Variants in KMT5C observed in about 807,000 individuals in gnomAD.
KMT5C encodes histone-lysine N-methyltransferase KMT5C.
A neutral mutation model predicts 38.2 loss-of-function variants in KMT5C; 16 were observed. That is an observed-to-expected ratio of 0.42 (90% confidence interval 0.28 to 0.64). KMT5C has a LOEUF of 0.64. Among genes scored for constraint, KMT5C ranks in the 30% least tolerant of loss-of-function variants. KMT5C has a pLI of 0.23. For missense variants in KMT5C, 598 were observed against 665.1 expected, an observed-to-expected ratio of 0.90 and a Z score of 1.11; for synonymous variants, 291 against 279.0, an observed-to-expected ratio of 1.04 and a Z score of -0.43.
chr19:55,345,976 A>C, intron 6 of KMT5C: 1 of 571,030 alleles, frequency 1.8e-6, no homozygotes, highest in Non-Finnish European at 3.1e-6. Flanking sequence ...AGGTCAGGTT[A>C]GATCATCGTC....
At chr19:55,342,194 C>A in intron 2 of KMT5C, 21 bp from the exon 3 acceptor site, 1 of 1,605,810 alleles carries the variant, frequency 6.2e-7, no homozygotes, top group African/African-American at 1.3e-5. Flanking sequence ...CCCTGGGACC[C>A]AGGCATGCCC....
chr19:55,347,637 C>T lies in KMT5C; in HGVS notation c.*188C>T, dbSNP rs2089637557. On this transcript the variant is annotated 3_prime_UTR_variant, in exon 9 of 9. Transcript: ENST00000255613. The surrounding 1 kb of genome is among the most constrained non-coding windows in gnomAD (Gnocchi z 4.6). ...AGCCCTGACCCTTTGTGACTGCTGA[C>T]CCCTGAGCCACCCCCACTCCCACAG... 3.1e-6 allele frequency: 3 copies of T among 960,092 alleles called. No homozygotes were observed. The South Asian group carries it at 6.9e-5, about 22-fold the overall frequency. 59.5% of individuals were successfully genotyped at this position (960,092 alleles called of 1,614,324 possible). A position where few individuals can be genotyped will look rare whatever the true frequency, so the allele number is the denominator to read the frequency against.
Position 55,343,624 on chromosome 19 carries a change from A to C in KMT5C, c.387-56A>C. 1 of 1,532,738 alleles carries C rather than the reference A, an allele frequency of 6.5e-7. No individual in the cohort carries two copies. The allele number at this position is 1,532,738 out of a possible 1,614,324, so 94.9% of individuals were successfully genotyped here. On this transcript the variant is annotated intron_variant, in intron 4 of 8. Coordinates refer to ENST00000255613, the MANE Select transcript of KMT5C (RefSeq NM_032701.4). The surrounding 1 kb of genome is among the most constrained non-coding windows in gnomAD (Gnocchi z 5.5). ...CTGTGCCGGAGGCCCGAGTCCCCTG[A>C]ACACCTGCAGGAGGCCAGGCATCGC...
At position 55,345,710 on chromosome 19, in the gene KMT5C, C is replaced by T. The variant is rs10412247; in HGVS notation, c.571-503C>T. On this transcript the variant is annotated intron_variant, in intron 6 of 8. Coordinates refer to ENST00000255613, the MANE Select transcript of KMT5C (RefSeq NM_032701.4). ...TGGGGCTTAGGAGGAGCCTGTGGGGCAGCTCCTGGGTGAATGATCCCAAAG... is the reference window on the plus strand; with the variant it reads ...TGGGGCTTAGGAGGAGCCTGTGGGGTAGCTCCTGGGTGAATGATCCCAAAG... Among the ~76,000 whole-genome samples, 1,069 of 152,256 alleles carry T rather than the reference C, an allele frequency of 7.0e-3. 15 individuals are homozygous for T. The highest frequency in any genetic ancestry group is 0.024 in the African/African-American group (1,014 of 41,554).
At position 55,346,994 on chromosome 19, in the gene KMT5C, C is replaced by T. The variant is rs770550339; in HGVS notation, c.934C>T (p.Arg312Cys). Residue 312 changes from arginine (R) to cysteine (C), a missense_variant, in exon 9 of 9, where the codon CGC becomes TGC. Arg to Cys is a radical substitution (Grantham distance 180, BLOSUM62 -3). Around this residue, in one of 3 missense-constraint regions of KMT5C, gnomAD observed 326 missense variants for 298.1 expected, o/e 1.09. Coordinates refer to ENST00000255613, the MANE Select transcript of KMT5C (RefSeq NM_032701.4). The stretch of plus-strand genomic sequence containing the variant: ...CCTGCGCCTGCCAGCCTGCAGCGCC[C>T]GCCCAGACACCTCACCCCTCTGGCT... ...QPLRLPACSA[R>C]PDTSPLWLQW... The T allele has an allele frequency of 1.2e-5, 15 of 1,251,668 alleles. No individual in the cohort carries two copies. The highest frequency in any genetic ancestry group is 1.5e-5 in the Non-Finnish European group (13 of 865,520). The allele number at this position is 1,251,668 out of a possible 1,614,324, so 77.5% of individuals were successfully genotyped here.
chr19:55,344,090 A>G (rs1569020641), intron 6 of KMT5C, 93 bp downstream of exon 6: 1 of 1,415,754 alleles, frequency 7.1e-7, no homozygotes, highest in Non-Finnish European at 9.8e-7. Context: ...AGAGCCAAAC[A>G]CCGGCCGGGC....
In KMT5C at chr19:55,343,515, G is replaced by A. The variant is rs189921882; in HGVS notation, c.387-165G>A. The A allele has an allele frequency of 6.7e-5, 46 of 682,010 alleles. No individual in the cohort carries two copies. In the East Asian group the frequency reaches 1.2e-3, roughly 17 times the overall value. The allele number at this position is 682,010 out of a possible 1,614,324, so 42.2% of individuals were successfully genotyped here. On this transcript the variant is annotated intron_variant, in intron 4 of 8. Coordinates refer to ENST00000255613, the MANE Select transcript of KMT5C (RefSeq NM_032701.4). The surrounding 1 kb of genome is among the most constrained non-coding windows in gnomAD (Gnocchi z 5.5). ...GGGCTGGAGCAGGGAAGCCCACCCA[G>A]GCAGGAGGGGAAGAGGGAGATCTGG...
Position 55,346,639 on chromosome 19 carries a change from C to G in KMT5C, c.847C>G (p.Pro283Ala). Residue 283 changes from proline to alanine, a missense_variant, in exon 8 of 9, where the codon CCT becomes GCT. Pro to Ala is a conservative substitution (Grantham distance 27, BLOSUM62 -1). Transcript: ENST00000255613. ...DSGSRQGLLGPRACVHPSPLR... is the reference protein window; with the variant it reads ...DSGSRQGLLGARACVHPSPLR... ...TGGCAGCCGACAGGGCCTGCTGGGC[C>G]CTCGGGCCTGCGTGCACCCATCCCC... is the stretch of plus-strand genomic sequence containing the variant. 1 of 1,574,728 alleles carries G rather than the reference C, an allele frequency of 6.4e-7. No individual in the cohort carries two copies. Among genetic ancestry groups the G allele is most frequent in the Non-Finnish European group, 8.6e-7 (1 of 1,161,068 alleles).
Position 55,347,154 on chromosome 19 carries a change from A to G in KMT5C, c.1094A>G (p.His365Arg). The change falls in exon 9 of 9, where the codon CAC becomes CGC. Residue 365 changes from histidine (H) to arginine (R), a missense_variant. Transcript: ENST00000255613. The surrounding 1 kb of genome is among the most constrained non-coding windows in gnomAD (Gnocchi z 4.6). ...CACCGATGGGGAGGCTGTGGCCCCCACTGCCGCCTGCGAGGAGAGGCCCTG... is the reference window on the plus strand; with the variant it reads ...CACCGATGGGGAGGCTGTGGCCCCCGCTGCCGCCTGCGAGGAGAGGCCCTG... Reference protein sequence around the residue: ...SLHRWGGCGPHCRLRGEALVA... With the variant: ...SLHRWGGCGPRCRLRGEALVA... 2.0e-6 allele frequency: 3 copies of G among 1,537,096 alleles called. No individual in the cohort carries two copies. The highest frequency in any genetic ancestry group is 2.6e-6 in the Non-Finnish European group (3 of 1,147,512).
Position 55,342,822 on chromosome 19 carries a change from C to T in KMT5C, c.357C>T (p.Asn119=), listed in dbSNP as rs756745552. The T allele has an allele frequency of 9.3e-6, 15 of 1,611,318 alleles. No individual in the cohort carries two copies. The highest frequency in any genetic ancestry group is 4.0e-5 in the African/African-American group (3 of 74,830). ...LPCTRYSMET[N]GAKIVSTRAW... Reference sequence around the variant, plus strand: ...GCACGCGCTACTCCATGGAGACCAACGGGGCCAAGATCGTGTCCACTCGTG... The same window carrying T: ...GCACGCGCTACTCCATGGAGACCAATGGGGCCAAGATCGTGTCCACTCGTG... The change falls in exon 4 of 9, where the codon AAC becomes AAT. Residue 119 remains asparagine, a synonymous_variant. Transcript: ENST00000255613.
In KMT5C at chr19:55,347,022, A is replaced by G; in HGVS notation, c.962A>G (p.Gln321Arg). 6.9e-7 allele frequency: 1 copy of G among 1,448,916 alleles called. No homozygotes were observed. Among genetic ancestry groups the G allele is most frequent in the Middle Eastern group, 2.3e-4 (1 of 4,390 alleles). 89.8% of individuals were successfully genotyped at this position (1,448,916 alleles called of 1,614,324 possible). A position where few individuals can be genotyped will look rare whatever the true frequency, so the allele number is the denominator to read the frequency against. ...CCAGACACCTCACCCCTCTGGCTCC[A>G]GTGGCTGCCTCAGCCCCAGCCCCGA... Reference protein sequence around the residue: ...ARPDTSPLWLQWLPQPQPRVR... With the variant: ...ARPDTSPLWLRWLPQPQPRVR... The change falls in exon 9 of 9, where the codon CAG (glutamine) becomes CGG (arginine). Residue 321 changes from glutamine to arginine, a missense_variant. This residue lies in a region of KMT5C where 326 missense variants were observed against 298.1 expected (regional missense o/e 1.09). Transcript: ENST00000255613. The surrounding 1 kb of genome is among the most constrained non-coding windows in gnomAD (Gnocchi z 4.6).
chr19:55,342,577 C>G (rs1175302229), intron 3 of KMT5C, 165 bp from the exon 4 acceptor site: 1 of 641,582 alleles, frequency 1.6e-6, no homozygotes, highest in African/African-American at 1.8e-5. Flanking sequence ...GAGATGTAGT[C>G]CAACCTCTTC....
Position 55,346,958 on chromosome 19 carries a change from G to C in KMT5C, c.898G>C (p.Ala300Pro), listed in dbSNP as rs757458096. 2 of 958,846 alleles carry C rather than the reference G, an allele frequency of 2.1e-6. No individual in the cohort carries two copies. Among genetic ancestry groups the C allele is most frequent in the Non-Finnish European group, 3.3e-6 (2 of 604,102 alleles). 59.4% of individuals were successfully genotyped at this position (958,846 alleles called of 1,614,324 possible). Reference protein sequence around the residue: ...SPLRRDPFCAACQPLRLPACS... With the variant: ...SPLRRDPFCAPCQPLRLPACS... ...CCCTGCCACCTGGGCCTTCACAGCC[G>C]CCTGCCAGCCCCTGCGCCTGCCAGC... The change falls in exon 9 of 9, where the codon GCC becomes CCC. Residue 300 changes from alanine (A) to proline (P), a missense_variant and splice_region_variant. By Grantham distance (27) the Ala-to-Pro change is conservative. Transcript: ENST00000255613.
Position 55,347,020 on chromosome 19 carries a change from C to A in KMT5C, c.960C>A (p.Leu320=). 1.4e-6 allele frequency: 2 copies of A among 1,442,222 alleles called. No individual in the cohort carries two copies. The highest frequency in any genetic ancestry group is 1.9e-6 in the Non-Finnish European group (2 of 1,039,516). 89.3% of individuals were successfully genotyped at this position (1,442,222 alleles called of 1,614,324 possible). ...SARPDTSPLW[L]QWLPQPQPRV... is the part of the protein sequence containing the mutation. ...GCCCAGACACCTCACCCCTCTGGCT[C>A]CAGTGGCTGCCTCAGCCCCAGCCCC... Residue 320 remains leucine (L), a synonymous_variant, in exon 9 of 9, where the codon CTC becomes CTA. Coordinates refer to ENST00000255613, the MANE Select transcript of KMT5C (RefSeq NM_032701.4). The surrounding 1 kb of genome is among the most constrained non-coding windows in gnomAD (Gnocchi z 4.6).
rs761807544 is a variant in KMT5C, at chr19:55,342,749, G to A, written c.284G>A (p.Arg95His). The A allele has an allele frequency of 3.7e-6, 6 of 1,602,492 alleles. No homozygotes were observed. The highest frequency in any genetic ancestry group is 5.1e-6 in the Non-Finnish European group (6 of 1,169,868). ...QEAALKTHVYRYLRAFLPESG... is the reference protein window; with the variant it reads ...QEAALKTHVYHYLRAFLPESG... ...CACCCTCACCCTCACCAGGTCTATCGCTACCTCCGTGCCTTCCTGCCGGAA... is the reference window on the plus strand; with the variant it reads ...CACCCTCACCCTCACCAGGTCTATCACTACCTCCGTGCCTTCCTGCCGGAA... The change falls in exon 4 of 9, where the codon CGC becomes CAC. Residue 95 changes from arginine to histidine, a missense_variant. Physicochemically the swap from Arg to His is conservative, Grantham distance 29. Coordinates refer to ENST00000255613, the MANE Select transcript of KMT5C (RefSeq NM_032701.4).
chr19:55,342,652 G>A, intron 3 of KMT5C, 90 bp from the exon 4 acceptor site: 1 of 778,664 alleles, frequency 1.3e-6, no homozygotes, highest in Non-Finnish European at 2.2e-6. Context: ...CACACAGTGA[G>A]TCAGTGGCAT....
chr19:55,348,109 G>A lies in KMT5C; in HGVS notation c.*660G>A, dbSNP rs1600270519. The A allele has an allele frequency of 6.5e-6, 1 of 152,718 alleles. No homozygotes were observed. Among genetic ancestry groups the A allele is most frequent in the Non-Finnish European group, 1.5e-5 (1 of 68,080 alleles). The allele number at this position is 152,718 out of a possible 1,614,324, so 9.5% of individuals were successfully genotyped here. Reference sequence around the variant, plus strand: ...GAACTTTTTATTTTATTAAAACCTTGTTATAAGCAGCACCCTTGGCGGTTT... The same window carrying A: ...GAACTTTTTATTTTATTAAAACCTTATTATAAGCAGCACCCTTGGCGGTTT... On this transcript the variant is annotated 3_prime_UTR_variant, in exon 9 of 9. Coordinates refer to ENST00000255613, the MANE Select transcript of KMT5C (RefSeq NM_032701.4).
At chr19:55,340,636 CCT>C (rs1394835360) in intron 1 of KMT5C, among the ~76,000 whole-genome samples, 2 of 151,946 alleles carry the variant, frequency 1.3e-5, no homozygotes, top group African/African-American at 4.8e-5. Flanking sequence ...TCCCTGGGCC[CCT>C]GTCCGCCCTC....
rs745763370 is a variant in KMT5C, at chr19:55,346,341, C to T, written c.699C>T (p.Thr233=). ...GEKNEHCECH[T]CERKGEGAFR... ...AGAATGAGCACTGTGAATGCCACAC[C>T]TGTGAGAGGTGGGACCGGGCGAGAG... Residue 233 remains threonine (T), a synonymous_variant, in exon 7 of 9, where the codon ACC becomes ACT. Coordinates refer to ENST00000255613, the MANE Select transcript of KMT5C (RefSeq NM_032701.4). 6.2e-7 allele frequency: 1 copy of T among 1,614,030 alleles called. No individual in the cohort carries two copies. Among genetic ancestry groups the T allele is most frequent in the East Asian group, 2.2e-5 (1 of 44,876 alleles).
Sources: allele counts gnomAD v4.1 joint callset (sites outside exome capture counted in the v4.1 genomes callset), GRCh38; gene constraint gnomAD v4.1.1; regional missense constraint gnomAD v4.1.1; non-coding constraint Gnocchi (gnomAD v3.1); transcripts MANE v1.5; gene names NCBI Gene and HGNC (gene_info 2026-07-23, HGNC 2026-07-21).